Variants in ROBO2 observed in about 807,000 individuals in gnomAD.
ROBO2 encodes the protein roundabout homolog 2.
In ROBO2, 53 loss-of-function variants were observed where a neutral mutation model predicts 160.8. That is an observed-to-expected ratio of 0.33 (90% CI 0.26 to 0.41). ROBO2 has a LOEUF of 0.41. Ranked by LOEUF, ROBO2 falls within the 10% of genes least tolerant of loss-of-function variation. ROBO2 has a pLI of 1.00. For missense variants in ROBO2, 1,577 were observed against 1,722.4 expected (o/e 0.92, Z 1.49); for synonymous variants, 664 against 611.7 (o/e 1.09, Z -1.26).
At chr3:77,489,698 A>G (rs1190799806) in intron 4 of ROBO2, among the ~76,000 whole-genome samples, 1 of 152,198 alleles carries the variant, frequency 6.6e-6, no homozygotes, top group Non-Finnish European at 1.5e-5. Context: ...TTTGCCTGAA[A>G]ATATAAGTAT....
intron 2 of ROBO2, among the ~76,000 whole-genome samples, chr3:76,074,954 G>GT (rs1380632823): frequency 6.6e-6 from 1 of 152,092 alleles, no homozygotes; most frequent in African/African-American, 2.4e-5. Flanking sequence ...TGACAATAGG[G>GT]TTTTTCATAT....
intron 2 of ROBO2, among the ~76,000 whole-genome samples, chr3:76,768,744 T>C (rs1437931872): frequency 6.6e-6 from 1 of 151,060 alleles, no homozygotes; most frequent in East Asian, 2.0e-4. Flanking sequence ...CTAGATAGTT[T>C]TTAAGTGTAA....
intron 2 of ROBO2, among the ~76,000 whole-genome samples, chr3:76,009,394 C>A (rs1244328883): frequency 1.3e-5 from 2 of 152,086 alleles, no homozygotes. Flanking sequence ...TAAGCCACCG[C>A]GCCTGGCTGA....
At chr3:77,281,956 CG>C (rs1240567314) in intron 2 of ROBO2, among the ~76,000 whole-genome samples, 2 of 152,114 alleles carry the variant, frequency 1.3e-5, no homozygotes, top group Non-Finnish European at 2.9e-5. Flanking sequence ...CTGTGCAGCC[CG>C]TTTCCTACCA....
chr3:76,284,019 C>G (rs553454330), intron 2 of ROBO2, among the ~76,000 whole-genome samples: 179 of 152,056 alleles, frequency 1.2e-3, no homozygotes, highest in Non-Finnish European at 1.0e-3. Flanking sequence ...AGCCTAGAAC[C>G]AAATAAATGA....
At chr3:77,418,376 G>A (rs1663477477) in intron 2 of ROBO2, among the ~76,000 whole-genome samples, 1 of 151,990 alleles carries the variant, frequency 6.6e-6, no homozygotes, top group South Asian at 2.1e-4. Flanking sequence ...CATTTTTATT[G>A]CGGTTATAAA....
intron 2 of ROBO2, among the ~76,000 whole-genome samples, chr3:76,070,695 T>G (rs1242129124): frequency 6.6e-6 from 1 of 152,152 alleles, no homozygotes; most frequent in Non-Finnish European, 1.5e-5. Context: ...TGTGGCTTGT[T>G]TTAAAGCTGG....
intron 24 of ROBO2, among the ~76,000 whole-genome samples, chr3:77,639,267 A>T (rs1390614250): frequency 2.0e-5 from 3 of 152,174 alleles, no homozygotes; most frequent in African/African-American, 7.2e-5. Context: ...AGTATATAAC[A>T]TATAATAGAC....
chr3:77,228,179 T>G (rs1051476592), intron 2 of ROBO2, among the ~76,000 whole-genome samples: 1 of 152,140 alleles, frequency 6.6e-6, no homozygotes, highest in Non-Finnish European at 1.5e-5. Flanking sequence ...TTTTGTTTCT[T>G]TTTTTGAGAC....
intron 2 of ROBO2, among the ~76,000 whole-genome samples, chr3:76,278,378 A>G (rs1708051511): frequency 6.6e-6 from 1 of 151,976 alleles, no homozygotes; most frequent in Non-Finnish European, 1.5e-5. Context: ...GCCCAGGTAC[A>G]TTTCGGTCTA....
At chr3:76,796,868 A>G (rs1241755097) in intron 2 of ROBO2, among the ~76,000 whole-genome samples, 1 of 151,992 alleles carries the variant, frequency 6.6e-6, no homozygotes, top group Non-Finnish European at 1.5e-5. Context: ...TTATATAATT[A>G]TAAGGGGATA....
chr3:77,343,231 T>A (rs1055443735), intron 2 of ROBO2, among the ~76,000 whole-genome samples: 5 of 152,108 alleles, frequency 3.3e-5, no homozygotes, highest in Non-Finnish European at 5.9e-5. Flanking sequence ...TATAGTTCAG[T>A]CCAGAGCAAG....
At chr3:76,805,013 A>C (rs1033857054) in intron 2 of ROBO2, among the ~76,000 whole-genome samples, 3 of 152,118 alleles carry the variant, frequency 2.0e-5, no homozygotes, top group African/African-American at 7.2e-5. Context: ...CTTTTTTGTG[A>C]TAATCCCAAA....
intron 2 of ROBO2, among the ~76,000 whole-genome samples, chr3:76,354,931 CCTATTTCACAGA>C (rs1227694697): frequency 6.6e-6 from 1 of 151,696 alleles, no homozygotes; most frequent in African/African-American, 2.4e-5. Flanking sequence ...ATCCAATTTT[CCTATTTCACAGA>C]ACTGTTAGGA....
At chr3:77,325,852 A>C (rs1256723479) in intron 2 of ROBO2, among the ~76,000 whole-genome samples, 1 of 152,178 alleles carries the variant, frequency 6.6e-6, no homozygotes, top group Non-Finnish European at 1.5e-5. Flanking sequence ...TTGACAGTAC[A>C]GATTATACTC....
At chr3:76,256,299 G>GTCTCTCTCTCTCTCTC (rs372215718) in intron 2 of ROBO2, among the ~76,000 whole-genome samples, 3 of 92,550 alleles carry the variant, frequency 3.2e-5, no homozygotes, top group East Asian at 3.3e-4. Context: ...GACAGAGTGA[G>GTCTCTCTCTCTCTCTC]TCTCTCTCTC....
chr3:77,387,471 C>G (rs2074259875), intron 2 of ROBO2, among the ~76,000 whole-genome samples: 1 of 151,924 alleles, frequency 6.6e-6, no homozygotes, highest in Non-Finnish European at 1.5e-5. Flanking sequence ...TGACCTACAC[C>G]CTGGATTTTC....
chr3:77,110,022 G>A (rs1282001988), intron 2 of ROBO2, among the ~76,000 whole-genome samples: 2 of 152,162 alleles, frequency 1.3e-5, no homozygotes, highest in African/African-American at 2.4e-5. Context: ...AACAGAAAGA[G>A]TAATCTTTTC....
intron 2 of ROBO2, among the ~76,000 whole-genome samples, chr3:76,055,720 T>C (rs2067819641): frequency 6.6e-6 from 1 of 152,254 alleles, no homozygotes; most frequent in Non-Finnish European, 1.5e-5. Context: ...GTATACTTTT[T>C]TTTTATCTAA....
Sources: gnomAD v4.1 joint callset for allele counts (sites outside exome capture counted in the v4.1 genomes callset) on GRCh38, gnomAD v4.1.1 for gene constraint, MANE v1.5 for transcripts, NCBI Gene and HGNC (gene_info 2026-07-23, HGNC 2026-07-21) for gene names.